Variants in RIMS1 observed in about 807,000 individuals in gnomAD.
The protein encoded by RIMS1 is regulating synaptic membrane exocytosis protein 1.
Under a neutral mutation model 214.1 loss-of-function variants are expected in RIMS1, and 83 were observed. The ratio of observed to expected loss-of-function variants is 0.39; its 90% CI spans 0.32 to 0.47. RIMS1 has a LOEUF of 0.47. RIMS1 is among the 20% of genes least tolerant of loss of function. The pLI is 0.99. For missense variants in RIMS1, 2,050 were observed against 2,161.8 expected, an observed-to-expected ratio of 0.95 and a Z score of 1.03; for synonymous variants, 793 against 786.8, an observed-to-expected ratio of 1.01 and a Z score of -0.13.
At position 72,105,538 on chromosome 6, in the gene RIMS1, T is replaced by C. The variant is rs894446380; in HGVS notation, c.471+5552T>C. Among the ~76,000 whole-genome samples the C allele has an allele frequency of 5.9e-5, 9 of 152,312 alleles. 1 individual carries two copies. Among genetic ancestry groups the C allele is most frequent in the Middle Eastern group, 6.8e-3 (2 of 294 alleles). On this transcript the variant is annotated intron_variant, in intron 4 of 33. Coordinates refer to ENST00000521978, the MANE Select transcript of RIMS1 (RefSeq NM_014989.7). ...TGGGTTACATGAACTCATTCATTTA[T>C]TCATTTATTCAGGGATTTTTAATTT...
intron 28 of RIMS1, among the ~76,000 whole-genome samples, chr6:72,315,016 A>G (rs1213067238): frequency 6.6e-6 from 1 of 152,152 alleles, no homozygotes; most frequent in Non-Finnish European, 1.5e-5. Context: ...CAGAAGTAGG[A>G]TTCTTCAAAA....
chr6:72,248,007 C>A lies in RIMS1; in HGVS notation c.2129-8C>A. 6.3e-7 allele frequency: 1 copy of A among 1,575,186 alleles called. No homozygotes were observed. Among genetic ancestry groups the A allele is most frequent in the Non-Finnish European group, 8.7e-7 (1 of 1,147,786 alleles). On this transcript the variant is annotated splice_region_variant and splice_polypyrimidine_tract_variant and intron_variant, in intron 11 of 33. Coordinates refer to ENST00000521978, the MANE Select transcript of RIMS1 (RefSeq NM_014989.7). ...ACAAATATTACTTACTTTTTTTTCT[C>A]ATTTTAGGTTCAAGTTCCTTTGAAT... is the stretch of plus-strand genomic sequence containing the variant.
intron 30 of RIMS1, among the ~76,000 whole-genome samples, chr6:72,391,221 G>A (rs2098697020): frequency 6.6e-6 from 1 of 151,928 alleles, no homozygotes; most frequent in Non-Finnish European, 1.5e-5. Flanking sequence ...TTAAAACATT[G>A]CTGACTCATT....
At chr6:72,151,052 CT>C (rs1030756849) in intron 4 of RIMS1, among the ~76,000 whole-genome samples, 6 of 149,162 alleles carry the variant, frequency 4.0e-5, no homozygotes, top group South Asian at 2.1e-4. Context: ...TTTTTTTTTT[CT>C]TTTTTTTGAG....
chr6:71,897,429 T>C (rs1016614248), intron 1 of RIMS1, among the ~76,000 whole-genome samples: 1 of 152,184 alleles, frequency 6.6e-6, no homozygotes, highest in African/African-American at 2.4e-5. Flanking sequence ...CTATTTCTGT[T>C]CTTTGGTCCG....
intron 2 of RIMS1, among the ~76,000 whole-genome samples, chr6:72,069,338 A>T (rs1194220839): frequency 1.3e-5 from 2 of 152,222 alleles, no homozygotes; most frequent in Non-Finnish European, 2.9e-5. Flanking sequence ...GAAGGCCCTG[A>T]ACAGTCAGGG....
chr6:72,166,449 A>G (rs540310045), intron 4 of RIMS1, among the ~76,000 whole-genome samples: 2 of 152,200 alleles, frequency 1.3e-5, no homozygotes, highest in Non-Finnish European at 2.9e-5. Context: ...TTTTGTAGGG[A>G]TACTTTTCTC....
At chr6:71,955,191 G>T (rs1790873148) in intron 1 of RIMS1, among the ~76,000 whole-genome samples, 1 of 151,650 alleles carries the variant, frequency 6.6e-6, no homozygotes, top group African/African-American at 2.4e-5. Flanking sequence ...TTGTGAGACA[G>T]AGTCTCGCTC....
chr6:72,350,944 T>G (rs192010974), intron 29 of RIMS1, among the ~76,000 whole-genome samples: 45 of 152,236 alleles, frequency 3.0e-4, no homozygotes, highest in African/African-American at 1.0e-3. Context: ...ACTTTTAAAG[T>G]AGAATATAAA....
chr6:72,213,772 CA>C (rs1402321234), intron 6 of RIMS1, among the ~76,000 whole-genome samples: 1 of 152,094 alleles, frequency 6.6e-6, no homozygotes, highest in East Asian at 1.9e-4. Flanking sequence ...ACCTAAACTA[CA>C]ATAGCACAAG....
At position 72,333,673 on chromosome 6, in the gene RIMS1, A is replaced by G; in HGVS notation, c.4204A>G (p.Ser1402Gly). ...ATCCATCATGAAGAGCACCAGTGTC[A>G]GTGGAGAGATGTACACACTGGAGCA... ...GRSIMKSTSV[S>G]GEMYTLEHND... The change falls in exon 29 of 34, where the codon AGT becomes GGT. Residue 1402 changes from serine to glycine, a missense_variant. Around this residue, in one of 6 missense-constraint regions of RIMS1, gnomAD observed 889 missense variants for 885.5 expected, o/e 1.00. Coordinates refer to ENST00000521978, the MANE Select transcript of RIMS1 (RefSeq NM_014989.7). The G allele has an allele frequency of 1.3e-6, 2 of 1,596,506 alleles. No homozygotes were observed. The highest frequency in any genetic ancestry group is 1.7e-6 in the Non-Finnish European group (2 of 1,171,378).
chr6:72,082,225 T>C (rs1230086379), intron 2 of RIMS1, among the ~76,000 whole-genome samples: 1 of 152,248 alleles, frequency 6.6e-6, no homozygotes, highest in African/African-American at 2.4e-5. Context: ...ATCCTATTTA[T>C]GTATTTCAAT....
chr6:72,177,010 G>A (rs1204877928), intron 4 of RIMS1, among the ~76,000 whole-genome samples: 1 of 152,148 alleles, frequency 6.6e-6, no homozygotes, highest in African/African-American at 2.4e-5. Context: ...GTTTAAAAAT[G>A]TGAAGCAATC....
At chr6:72,334,028 CACTTTTA>C (rs1476344129) in intron 29 of RIMS1, among the ~76,000 whole-genome samples, 193 bp downstream of exon 29, 1 of 151,716 alleles carries the variant, frequency 6.6e-6, no homozygotes. Flanking sequence ...CACAAGGTAT[CACTTTTA>C]AATCTGTAAA....
At chr6:72,253,530 T>A (rs959519243) in intron 16 of RIMS1, among the ~76,000 whole-genome samples, 1 of 152,162 alleles carries the variant, frequency 6.6e-6, no homozygotes, top group Non-Finnish European at 1.5e-5. Flanking sequence ...CTATACTTTT[T>A]AAAAATTTAC....
chr6:72,390,647 A>G lies in RIMS1; in HGVS notation c.4416A>G (p.Thr1472=), dbSNP rs1204154365. The change falls in exon 30 of 34, where the codon ACA becomes ACG. Residue 1472 remains threonine, a synonymous_variant. Coordinates refer to ENST00000521978, the MANE Select transcript of RIMS1 (RefSeq NM_014989.7). ...GTACCATCCAGAGAAGCACAGAAACAGGCATGGCAGCTGAAATGAGAAAGA... is the reference window on the plus strand; with the variant it reads ...GTACCATCCAGAGAAGCACAGAAACGGGCATGGCAGCTGAAATGAGAAAGA... ...LKSTIQRSTE[T]GMAAEMRKMV... is the part of the protein sequence containing the mutation. 1.9e-6 allele frequency: 3 copies of G among 1,613,916 alleles called. No individual in the cohort carries two copies. In the Admixed American group the frequency reaches 5.0e-5, roughly 27 times the overall value.
intron 4 of RIMS1, among the ~76,000 whole-genome samples, chr6:72,105,570 A>G (rs1208035555): frequency 6.6e-6 from 1 of 152,152 alleles, no homozygotes; most frequent in Non-Finnish European, 1.5e-5. Context: ...ATTTAATTTT[A>G]TTATGACTAC....
chr6:72,366,607 A>C, intron 29 of RIMS1: 2 of 764,156 alleles, frequency 2.6e-6, no homozygotes, highest in Non-Finnish European at 3.2e-6. Context: ...GTCTTACAAT[A>C]AGCTATAGGA....
intron 1 of RIMS1, among the ~76,000 whole-genome samples, chr6:71,913,701 C>T (rs901265056): frequency 6.6e-6 from 1 of 152,028 alleles, no homozygotes; most frequent in Non-Finnish European, 1.5e-5. Context: ...GGGTTTGTGT[C>T]ATGTGGTTTC....
Sources: allele counts gnomAD v4.1 joint callset (sites outside exome capture counted in the v4.1 genomes callset), GRCh38; gene constraint gnomAD v4.1.1; regional missense constraint gnomAD v4.1.1; transcripts MANE v1.5; gene names NCBI Gene and HGNC (gene_info 2026-07-23, HGNC 2026-07-21).